The following ADGB variants were observed in gnomAD, a reference collection of about 807,000 sequenced individuals.
ADGB encodes androglobin, also known as calpain-7-like protein.
A neutral mutation model predicts 210.5 loss-of-function variants in ADGB; 172 were observed. The ratio of observed to expected loss-of-function variants is 0.82; its 90% CI spans 0.72 to 0.93. The LOEUF (loss-of-function observed/expected upper bound fraction) is 0.93, where lower values mean the gene tolerates loss of function less well. Ranked by LOEUF, ADGB falls within the 40% of genes least tolerant of loss-of-function variation. ADGB has a pLI of 0.00. For synonymous variants in ADGB, 658 were observed against 662.7 expected, an observed-to-expected ratio of 0.99 and a Z score of 0.11; for missense variants, 2,025 against 1,964.8, an observed-to-expected ratio of 1.03 and a Z score of -0.58.
chr6:146,815,149 A>G lies in ADGB; in HGVS notation c.4936A>G (p.Lys1646Glu). The part of the protein sequence containing the change: ...ETLAAQEAAM[K>E]LETEKMTPAP... ...TCTGGCTGCTCAGGAAGCAGCCATG[A>G]AGCTGGAGACAGAAAAGATGACCCC... Residue 1646 changes from lysine (K) to glutamate (E), a missense_variant, in exon 36 of 36, where the codon AAG becomes GAG. Physicochemically the swap from Lys to Glu is moderately conservative, Grantham distance 56. Transcript: ENST00000397944. The G allele has an allele frequency of 6.5e-7, 1 of 1,542,772 alleles. No homozygotes were observed. The highest frequency in any genetic ancestry group is 1.4e-5 in the African/African-American group (1 of 72,012).
At chr6:146,664,716 G>A (rs979219388) in intron 6 of ADGB, among the ~76,000 whole-genome samples, 1 of 152,020 alleles carries the variant, frequency 6.6e-6, no homozygotes, top group Non-Finnish European at 1.5e-5. Flanking sequence ...TAAAGATTTA[G>A]GTTCTGTATA....
In ADGB at chr6:146,715,383, G is replaced by A. The variant is rs943660736; in HGVS notation, c.1709G>A (p.Gly570Glu). 7.3e-6 allele frequency: 11 copies of A among 1,502,362 alleles called. No individual in the cohort carries two copies. The East Asian group carries it at 1.0e-4, about 14-fold the overall frequency. The allele number at this position is 1,502,362 out of a possible 1,614,324, so 93.1% of individuals were successfully genotyped here. A position where few individuals can be genotyped will look rare whatever the true frequency, so the allele number is the denominator to read the frequency against. ...LSQITKATSQ[G>E]NTASQVILGK... ...AAGTGTGTTTCTTTTAATTCATAGG[G>A]AAATACTGCTTCACAAGTTATACTT... The change falls in exon 14 of 36, where the codon GGA becomes GAA. Residue 570 changes from glycine to glutamate, a missense_variant and splice_region_variant. Coordinates refer to ENST00000397944, the MANE Select transcript of ADGB (RefSeq NM_024694.4).
intron 25 of ADGB, among the ~76,000 whole-genome samples, chr6:146,745,183 G>T (rs1346322752): frequency 6.6e-6 from 1 of 152,180 alleles, no homozygotes; most frequent in East Asian, 1.9e-4. Flanking sequence ...AGAGCTATTT[G>T]TGGGCAGAGT....
intron 26 of ADGB, 65 bp downstream of exon 26, chr6:146,746,174 TA>T: frequency 1.7e-6 from 2 of 1,187,738 alleles, no homozygotes; most frequent in Non-Finnish European, 2.3e-6. Context: ...AGGATAAAAA[TA>T]AATTCTGCAG....
At chr6:146,678,046 C>T (rs757919719) in intron 9 of ADGB, among the ~76,000 whole-genome samples, 14 of 152,154 alleles carry the variant, frequency 9.2e-5, no homozygotes, top group Non-Finnish European at 1.6e-4. Flanking sequence ...ATGTGAACTT[C>T]CTTCTCCCAC....
At chr6:146,739,992 G>A (rs74701684) in intron 23 of ADGB, among the ~76,000 whole-genome samples, 29,251 of 152,144 alleles carry the variant, frequency 0.19, 3,423 homozygotes, top group Middle Eastern at 0.29. Flanking sequence ...CTCCACTTGC[G>A]CATAGCCTTA....
In ADGB at chr6:146,738,438, C is replaced by CTTTTTTTTTTTTT. The variant is rs71031008; in HGVS notation, c.2888+1865_2888+1877dup. ...GAATCCCATTCGAATCCCATTTCAT[C>CTTTTTTTTTTTTT]TTTTTTTTTTTTTTTTTTTTTTTTT... On this transcript the variant is annotated intron_variant, in intron 23 of 35. Coordinates refer to ENST00000397944, the MANE Select transcript of ADGB (RefSeq NM_024694.4). Among the ~76,000 whole-genome samples the CTTTTTTTTTTTTT allele has an allele frequency of 4.2e-5, 3 of 71,394 alleles. 1 individual carries two copies. The highest frequency in any genetic ancestry group is 1.5e-4 in the African/African-American group (3 of 20,386). The allele number at this position is 71,394 out of a possible 152,430, so 46.8% of individuals were successfully genotyped here. A position where few individuals can be genotyped will look rare whatever the true frequency, so the allele number is the denominator to read the frequency against.
At position 146,763,945 on chromosome 6, in the gene ADGB, C is replaced by A; in HGVS notation, c.3595C>A (p.Gln1199Lys). ...LSFHSASKKEQEVYVKKKAAQ... is the reference protein window; with the variant it reads ...LSFHSASKKEKEVYVKKKAAQ... ...ATTTCACTCTGCATCCAAGAAAGAG[C>A]AAGAAGTGTATGTTAAGAAGAAAGC... Residue 1199 changes from glutamine to lysine, a missense_variant, in exon 28 of 36, where the codon CAA (glutamine) becomes AAA (lysine). Transcript: ENST00000397944. The A allele has an allele frequency of 6.4e-7, 1 of 1,551,354 alleles. No individual in the cohort carries two copies. Among genetic ancestry groups the A allele is most frequent in the Non-Finnish European group, 8.7e-7 (1 of 1,146,832 alleles).
In ADGB at chr6:146,785,604, T is replaced by A; in HGVS notation, c.4213-6T>A. 2.6e-6 allele frequency: 4 copies of A among 1,548,982 alleles called. No individual in the cohort carries two copies. The highest frequency in any genetic ancestry group is 3.5e-6 in the Non-Finnish European group (4 of 1,144,734). On this transcript the variant is annotated splice_region_variant and splice_polypyrimidine_tract_variant and intron_variant, in intron 31 of 35. Coordinates refer to ENST00000397944, the MANE Select transcript of ADGB (RefSeq NM_024694.4). ...TTTTAAAAAGCTGCTCATGTTTGTT[T>A]TTTAGGCTTCTCAGGCTCGTTTGCA...
chr6:146,773,813 T>G (rs902782653), intron 29 of ADGB, among the ~76,000 whole-genome samples: 3 of 152,174 alleles, frequency 2.0e-5, no homozygotes, highest in African/African-American at 7.2e-5. Context: ...GTGGTGATAT[T>G]GATGGTACTG....
chr6:146,805,500 A>G (rs1420380104), intron 35 of ADGB, among the ~76,000 whole-genome samples: 1 of 152,270 alleles, frequency 6.6e-6, no homozygotes, highest in African/African-American at 2.4e-5. Context: ...AAATGAAGGT[A>G]GAATTATTTC....
chr6:146,768,055 C>T (rs1199633532), intron 28 of ADGB, among the ~76,000 whole-genome samples: 1 of 152,196 alleles, frequency 6.6e-6, no homozygotes, highest in African/African-American at 2.4e-5. Flanking sequence ...AAAAGCTTAA[C>T]ACTTGAATAA....
rs1304433059 is a variant in ADGB at position 146,728,373 on chromosome 6, A to C, written c.2353-201A>C. On this transcript the variant is annotated intron_variant, in intron 19 of 35. Transcript: ENST00000397944. ...AATATGAGATGAATATTCCTCCTAC[A>C]GGTTCCCACTCAGGTAAGAATTGCG... is the stretch of plus-strand genomic sequence containing the variant. Among the ~76,000 whole-genome samples, 62 of 152,208 alleles carry C rather than the reference A, an allele frequency of 4.1e-4. 1 individual carries two copies. Among genetic ancestry groups the C allele is most frequent in the Non-Finnish European group, 4.4e-5 (3 of 68,044 alleles).
intron 33 of ADGB, among the ~76,000 whole-genome samples, chr6:146,793,514 C>G (rs147492253): frequency 6.6e-6 from 1 of 152,114 alleles, no homozygotes; most frequent in Non-Finnish European, 1.5e-5. Flanking sequence ...GCCAGTGGGT[C>G]GGTCCAGGGG....
At chr6:146,612,140 C>T (rs1004676440) in intron 1 of ADGB, among the ~76,000 whole-genome samples, 1 of 152,164 alleles carries the variant, frequency 6.6e-6, no homozygotes, top group East Asian at 1.9e-4. Flanking sequence ...TGGAGTTTTC[C>T]TCTCTTTCCC....
chr6:146,708,419 C>T (rs953901441), intron 13 of ADGB, among the ~76,000 whole-genome samples: 2 of 151,920 alleles, frequency 1.3e-5, no homozygotes, highest in African/African-American at 2.4e-5. Context: ...GTGATGAATT[C>T]CCTCAGCTTT....
intron 9 of ADGB, among the ~76,000 whole-genome samples, chr6:146,681,852 G>C (rs1476339738): frequency 6.6e-6 from 1 of 151,972 alleles, no homozygotes; most frequent in African/African-American, 2.4e-5. Flanking sequence ...TAGAATCATA[G>C]ACAATAAAAA....
chr6:146,803,051 C>A lies in ADGB; in HGVS notation c.4818+1040C>A, dbSNP rs115456088. The A allele has an allele frequency of 6.7e-4, 1,052 of 1,565,102 alleles. 7 individuals carry two copies. In the African/African-American group the frequency reaches 0.012, roughly 18 times the overall value. On this transcript the variant is annotated intron_variant, in intron 35 of 35. Transcript: ENST00000397944. ...TAAGTAGTGACTTTACTAGAAGCAA[C>A]AAGTCTACACAGCAGCCAAGTGAGA...
chr6:146,643,738 C>T (rs75405843), intron 2 of ADGB, among the ~76,000 whole-genome samples: 2,533 of 151,768 alleles, frequency 0.017, 68 homozygotes, highest in African/African-American at 0.058. Context: ...TGGTAATAGC[C>T]CAATCCTGGA....
Sources: gnomAD v4.1 joint callset for allele counts (sites outside exome capture counted in the v4.1 genomes callset) on GRCh38, gnomAD v4.1.1 for gene constraint, MANE v1.5 for transcripts, NCBI Gene and HGNC (gene_info 2026-07-23, HGNC 2026-07-21) for gene names.